FCHSD2: variants seen among roughly 807,000 people sequenced by gnomAD.
FCHSD2 encodes the protein F-BAR and double SH3 domains protein 2.
In FCHSD2, 38 loss-of-function variants were observed where a neutral mutation model predicts 108.1. That is an observed-to-expected ratio of 0.35 (90% confidence interval 0.27 to 0.46). FCHSD2 has a LOEUF of 0.46. Among genes scored for constraint, FCHSD2 ranks in the 20% least tolerant of loss-of-function variants. FCHSD2 has a pLI of 1.00. For missense variants in FCHSD2, 751 were observed against 897.8 expected, an observed-to-expected ratio of 0.84 and a Z score of 2.09; for synonymous variants, 279 against 314.7, an observed-to-expected ratio of 0.89 and a Z score of 1.20.
At chr11:72,895,246 G>A (rs1164841895) in intron 10 of FCHSD2, among the ~76,000 whole-genome samples, 1 of 152,108 alleles carries the variant, frequency 6.6e-6, no homozygotes, top group East Asian at 1.9e-4. Context: ...GGACACCTGG[G>A]GAAAAGGAAT....
intron 8 of FCHSD2, among the ~76,000 whole-genome samples, chr11:72,936,697 T>C (rs1181905317): frequency 6.6e-6 from 1 of 152,240 alleles, no homozygotes; most frequent in Non-Finnish European, 1.5e-5. Context: ...AACTTAACTT[T>C]GCTGCTGAAC....
At chr11:72,866,484 G>A (rs959524653) in intron 13 of FCHSD2, among the ~76,000 whole-genome samples, 20 of 152,016 alleles carry the variant, frequency 1.3e-4, no homozygotes, top group African/African-American at 4.4e-4. Flanking sequence ...TGGCCAGGCT[G>A]GTCTCGAACT....
chr11:72,849,749 A>G lies in FCHSD2; in HGVS notation c.1443+6T>C, dbSNP rs1861233783. The G allele has an allele frequency of 6.2e-7, 1 of 1,605,356 alleles. No homozygotes were observed. Among genetic ancestry groups the G allele is most frequent in the African/African-American group, 1.3e-5 (1 of 74,674 alleles). On this transcript the variant is annotated splice_donor_region_variant and intron_variant, in intron 14 of 19. Coordinates refer to ENST00000409418, the MANE Select transcript of FCHSD2 (RefSeq NM_014824.3). The stretch of plus-strand genomic sequence containing the variant: ...TTTAATAACATTATGTTGGAGAAAT[A>G]CAAACCTTGTAGGAATAAACAACTT...
intron 3 of FCHSD2, among the ~76,000 whole-genome samples, chr11:73,023,011 A>C (rs908784214): frequency 6.6e-6 from 1 of 152,136 alleles, no homozygotes; most frequent in African/African-American, 2.4e-5. Context: ...AAACAACAAA[A>C]ACCCTTGACA....
chr11:73,105,145 A>T (rs893328532), intron 2 of FCHSD2, among the ~76,000 whole-genome samples: 2 of 152,202 alleles, frequency 1.3e-5, no homozygotes, highest in Non-Finnish European at 2.9e-5. Flanking sequence ...AAATCAGGGC[A>T]ATTAAAAGAC....
intron 19 of FCHSD2, 60 bp downstream of exon 19, chr11:72,840,817 T>G: frequency 8.0e-7 from 1 of 1,249,896 alleles, no homozygotes. Flanking sequence ...AAACATTAAT[T>G]CCTTACTTTC....
At chr11:73,043,245 G>T (rs1858684393) in intron 3 of FCHSD2, among the ~76,000 whole-genome samples, 1 of 152,128 alleles carries the variant, frequency 6.6e-6, no homozygotes, top group Non-Finnish European at 1.5e-5. Context: ...CCAGTCTGTT[G>T]AGAGATTTTA....
intron 9 of FCHSD2, among the ~76,000 whole-genome samples, chr11:72,910,384 G>T (rs1267616510): frequency 6.6e-6 from 1 of 152,150 alleles, no homozygotes; most frequent in Admixed American, 6.5e-5. Context: ...TTGTCGAAAA[G>T]AAAAGGGGGA....
chr11:72,900,239 GA>G, intron 10 of FCHSD2: 2 of 487,530 alleles, frequency 4.1e-6, no homozygotes, highest in Non-Finnish European at 7.9e-6. Context: ...TCCCGCCCTT[GA>G]CCCACACCCC....
At chr11:73,011,502 T>A (rs768005563) in intron 4 of FCHSD2, among the ~76,000 whole-genome samples, 7 of 152,208 alleles carry the variant, frequency 4.6e-5, no homozygotes. Flanking sequence ...CACACTTCTC[T>A]TGTGGTTTAG....
intron 3 of FCHSD2, among the ~76,000 whole-genome samples, chr11:73,081,978 G>C (rs573561114): frequency 2.0e-5 from 3 of 151,996 alleles, no homozygotes; most frequent in African/African-American, 7.3e-5. Context: ...TGAGGTGGGC[G>C]GATCACCTAA....
chr11:72,991,782 T>C (rs941395807), intron 5 of FCHSD2, among the ~76,000 whole-genome samples: 3 of 152,202 alleles, frequency 2.0e-5, no homozygotes, highest in Non-Finnish European at 2.9e-5. Context: ...GAACTATCTA[T>C]GACAAACTCA....
intron 13 of FCHSD2, among the ~76,000 whole-genome samples, chr11:72,853,423 G>T (rs1333989914): frequency 6.6e-6 from 1 of 152,126 alleles, no homozygotes; most frequent in Non-Finnish European, 1.5e-5. Context: ...ATTTGGCAAT[G>T]ATTTTTTTGG....
chr11:72,926,299 T>C (rs779239292), intron 8 of FCHSD2, among the ~76,000 whole-genome samples: 4 of 152,202 alleles, frequency 2.6e-5, no homozygotes, highest in Non-Finnish European at 4.4e-5. Flanking sequence ...ACTTCCTCCA[T>C]TCTGAGGTCC....
At position 72,840,868 on chromosome 11, in the gene FCHSD2, G is replaced by A. The variant is rs759630130; in HGVS notation, c.2139+9C>T. On this transcript the variant is annotated intron_variant, in intron 19 of 19. Coordinates refer to ENST00000409418, the MANE Select transcript of FCHSD2 (RefSeq NM_014824.3). Reference sequence around the variant, plus strand: ...TGCATTCGATAATCCTGCAAGATCAGAGACTTACAGGTCGCAGTTTGCCAT... The same window carrying A: ...TGCATTCGATAATCCTGCAAGATCAAAGACTTACAGGTCGCAGTTTGCCAT... 1.3e-6 allele frequency: 2 copies of A among 1,583,456 alleles called. No homozygotes were observed. The highest frequency in any genetic ancestry group is 1.7e-6 in the Non-Finnish European group (2 of 1,152,188).
Position 72,994,503 on chromosome 11 carries a change from T to C in FCHSD2, c.388-5406A>G, listed in dbSNP as rs560727350. 1.3e-4 allele frequency among the ~76,000 whole-genome samples: 20 copies of C among 152,332 alleles called. No homozygotes were observed. In the East Asian group the frequency reaches 3.7e-3, roughly 28 times the overall value. ...GAGTCACACGGCAAGGATGTGATGA[T>C]ACCATTTACTATGGAACCCATTAAA... On this transcript the variant is annotated intron_variant, in intron 5 of 19. Transcript: ENST00000409418.
chr11:73,025,148 A>G (rs1858197118), intron 3 of FCHSD2, among the ~76,000 whole-genome samples: 1 of 152,236 alleles, frequency 6.6e-6, no homozygotes, highest in Admixed American at 6.5e-5. Context: ...GTACATACCC[A>G]AAGGAATATA....
chr11:73,009,116 C>T lies in FCHSD2; in HGVS notation c.242+6693G>A, dbSNP rs17131814. Among the ~76,000 whole-genome samples the T allele has an allele frequency of 5.4e-3, 821 of 151,468 alleles. 10 individuals carry two copies. Among genetic ancestry groups the T allele is most frequent in the African/African-American group, 0.019 (776 of 41,364 alleles). ...ATTGAGGTTTTAATGACATTAAATG[C>T]TGCATGTATCATCAGATAGGCAAAC... On this transcript the variant is annotated intron_variant, in intron 4 of 19. Coordinates refer to ENST00000409418, the MANE Select transcript of FCHSD2 (RefSeq NM_014824.3).
chr11:72,928,751 T>C (rs1221317818), intron 8 of FCHSD2, among the ~76,000 whole-genome samples: 1 of 152,220 alleles, frequency 6.6e-6, no homozygotes, highest in Non-Finnish European at 1.5e-5. Flanking sequence ...CTTTAAGTTT[T>C]AGGGTACATG....
Sources: allele counts gnomAD v4.1 joint callset (sites outside exome capture counted in the v4.1 genomes callset), GRCh38; gene constraint gnomAD v4.1.1; transcripts MANE v1.5; gene names NCBI Gene and HGNC (gene_info 2026-07-23, HGNC 2026-07-21).